MAP2K5: variants seen among roughly 807,000 people sequenced by gnomAD.
MAP2K5 encodes the protein dual specificity mitogen-activated protein kinase kinase 5.
In MAP2K5, 49 loss-of-function variants were observed where a neutral mutation model predicts 83.1. The observed-to-expected ratio is 0.59, with a 90% confidence interval of 0.47 to 0.75. The LOEUF (loss-of-function observed/expected upper bound fraction) is 0.75, where lower values mean the gene tolerates loss of function less well. Among genes scored for constraint, MAP2K5 ranks in the 30% least tolerant of loss-of-function variants. The pLI is 0.00. For synonymous variants in MAP2K5, 202 were observed against 191.8 expected, an observed-to-expected ratio of 1.05 and a Z score of -0.44; for missense variants, 457 against 557.5, an observed-to-expected ratio of 0.82 and a Z score of 1.82.
chr15:67,678,344 T>C (rs1596778148), intron 13 of MAP2K5, among the ~76,000 whole-genome samples: 1 of 152,248 alleles, frequency 6.6e-6, no homozygotes, highest in Non-Finnish European at 1.5e-5. Flanking sequence ...CACAGTGTAA[T>C]TGCTTTATAG....
chr15:67,629,883 G>T (rs1433627203), intron 8 of MAP2K5, among the ~76,000 whole-genome samples: 2 of 152,132 alleles, frequency 1.3e-5, no homozygotes, highest in African/African-American at 4.8e-5. Flanking sequence ...ATGTGTTGCA[G>T]ATTGCTTCTA....
Position 67,543,592 on chromosome 15 carries a change from C to T in MAP2K5, c.135+122C>T. 9.0e-7 allele frequency: 1 copy of T among 1,110,594 alleles called. No individual in the cohort carries two copies. Among genetic ancestry groups the T allele is most frequent in the East Asian group, 2.4e-5 (1 of 41,164 alleles). 68.8% of individuals were successfully genotyped at this position (1,110,594 alleles called of 1,614,324 possible). ...GGCTACTGCTGGCTTCCTGTGGAGG[C>T]AGTTTTATTGCTTCAGGCACAGCAT... is the stretch of plus-strand genomic sequence containing the variant. On this transcript the variant is annotated intron_variant, in intron 1 of 21. Coordinates refer to ENST00000178640, the MANE Select transcript of MAP2K5 (RefSeq NM_145160.3). This position sits in a 1 kb window ranked among gnomAD's most constrained non-coding sequence, Gnocchi z 4.3.
chr15:67,714,757 T>C (rs2088790431), intron 16 of MAP2K5, among the ~76,000 whole-genome samples: 1 of 152,200 alleles, frequency 6.6e-6, no homozygotes, highest in Admixed American at 6.5e-5. Context: ...AATTCGAAAT[T>C]TTTTGAGCAC....
rs2089136115 is a variant in MAP2K5 at position 67,727,900 on chromosome 15, T to C, written c.1045-16T>C. On this transcript the variant is annotated splice_polypyrimidine_tract_variant and intron_variant, in intron 16 of 21. Coordinates refer to ENST00000178640, the MANE Select transcript of MAP2K5 (RefSeq NM_145160.3). ...ATGCAAATCTATAACTAGACAAATA[T>C]TATTTCCTTTCCCAGCTTGCTCTTG... 6.2e-7 allele frequency: 1 copy of C among 1,605,680 alleles called. No individual in the cohort carries two copies. The highest frequency in any genetic ancestry group is 8.5e-7 in the Non-Finnish European group (1 of 1,172,424).
At position 67,745,761 on chromosome 15, in the gene MAP2K5, A is replaced by G. The variant is rs192973710; in HGVS notation, c.1075-2470A>G. 5.9e-5 allele frequency among the ~76,000 whole-genome samples: 9 copies of G among 152,352 alleles called. No homozygotes were observed. In the East Asian group the frequency reaches 1.5e-3, roughly 26 times the overall value. ...AAAGAAAAGCACAGTAGCTTTATTTAATTGAGAAAATGAATCAATTACAAT... is the reference window on the plus strand; with the variant it reads ...AAAGAAAAGCACAGTAGCTTTATTTGATTGAGAAAATGAATCAATTACAAT... On this transcript the variant is annotated intron_variant, in intron 17 of 21. Transcript: ENST00000178640.
At chr15:67,767,926 A>G (rs538789540) in intron 19 of MAP2K5, among the ~76,000 whole-genome samples, 1 of 152,296 alleles carries the variant, frequency 6.6e-6, no homozygotes, top group South Asian at 2.1e-4. Flanking sequence ...TCTACTGATG[A>G]GAATTTTAAT....
rs780670157 is a variant in MAP2K5, at chr15:67,550,027, TG to T, written c.136-6del. ...TAATTGTGTTTCTTTATTCTTTCTT[TG>T]TTTAGGATGTGATAGGCCAGGTTCT... On this transcript the variant is annotated splice_polypyrimidine_tract_variant and splice_region_variant and intron_variant, in intron 1 of 21. Coordinates refer to ENST00000178640, the MANE Select transcript of MAP2K5 (RefSeq NM_145160.3). 1.9e-6 allele frequency: 3 copies of T among 1,611,038 alleles called. No individual in the cohort carries two copies. The highest frequency in any genetic ancestry group is 2.5e-6 in the Non-Finnish European group (3 of 1,177,370).
At chr15:67,695,429 A>G (rs534663671) in intron 15 of MAP2K5, among the ~76,000 whole-genome samples, 1 of 152,300 alleles carries the variant, frequency 6.6e-6, no homozygotes, top group South Asian at 2.1e-4. Context: ...ACTTTCTTGT[A>G]TAATAATAGG....
At chr15:67,732,446 A>G (rs1313939829) in intron 17 of MAP2K5, among the ~76,000 whole-genome samples, 25 of 152,222 alleles carry the variant, frequency 1.6e-4, no homozygotes, top group Admixed American at 1.6e-3. Flanking sequence ...TGAAGATAAT[A>G]CAGACACAAA....
intron 16 of MAP2K5, among the ~76,000 whole-genome samples, chr15:67,723,740 T>C (rs1020003506): frequency 6.6e-6 from 1 of 151,996 alleles, no homozygotes; most frequent in Admixed American, 6.5e-5. Context: ...TCTACATTTT[T>C]CAGTACACTT....
intron 9 of MAP2K5, among the ~76,000 whole-genome samples, chr15:67,633,107 C>T (rs1640086705): frequency 6.6e-6 from 1 of 152,206 alleles, no homozygotes; most frequent in African/African-American, 2.4e-5. Context: ...TTGGTGCTCA[C>T]CGAGCGCGGC....
At position 67,668,727 on chromosome 15, in the gene MAP2K5, A is replaced by C. The variant is rs976208659; in HGVS notation, c.847+4082A>C. 6.6e-6 allele frequency among the ~76,000 whole-genome samples: 1 copy of C among 152,176 alleles called. No individual in the cohort carries two copies. Among genetic ancestry groups the C allele is most frequent in the African/African-American group, 2.4e-5 (1 of 41,456 alleles). On this transcript the variant is annotated intron_variant, in intron 13 of 21. Coordinates refer to ENST00000178640, the MANE Select transcript of MAP2K5 (RefSeq NM_145160.3). The surrounding 1 kb of genome is among the most constrained non-coding windows in gnomAD (Gnocchi z 4.0). Reference sequence around the variant, plus strand: ...CTCTTTCCCTGAGGATAAAAAATAGAAATGCAAGGGTAATGAGAATAGAAT... The same window carrying C: ...CTCTTTCCCTGAGGATAAAAAATAGCAATGCAAGGGTAATGAGAATAGAAT...
Position 67,690,828 on chromosome 15 carries a change from C to T in MAP2K5, c.848-1651C>T, listed in dbSNP as rs1382755280. Among the ~76,000 whole-genome samples the T allele has an allele frequency of 6.6e-6, 1 of 152,104 alleles. No homozygotes were observed. Among genetic ancestry groups the T allele is most frequent in the Non-Finnish European group, 1.5e-5 (1 of 68,012 alleles). On this transcript the variant is annotated intron_variant, in intron 13 of 21. Transcript: ENST00000178640. The surrounding 1 kb of genome is among the most constrained non-coding windows in gnomAD (Gnocchi z 4.3). ...GGATTACATGCGTGAGCCACTGCTC[C>T]CGGCCATGTATTAGTAAATTTAATG... is the stretch of plus-strand genomic sequence containing the variant.
At chr15:67,706,111 TTAAG>T (rs1345629055) in intron 16 of MAP2K5, among the ~76,000 whole-genome samples, 6 of 152,158 alleles carry the variant, frequency 3.9e-5, no homozygotes, top group African/African-American at 1.4e-4. Context: ...GGAGATCCGT[TTAAG>T]TAGGTAGGAG....
chr15:67,800,469 C>T (rs1338246509), intron 21 of MAP2K5, among the ~76,000 whole-genome samples: 2 of 152,176 alleles, frequency 1.3e-5, no homozygotes, highest in South Asian at 2.1e-4. Context: ...ATTGTCTCAG[C>T]ACAGTGTCAA....
intron 17 of MAP2K5, among the ~76,000 whole-genome samples, chr15:67,745,422 A>G (rs1293295775): frequency 1.3e-5 from 2 of 152,222 alleles, no homozygotes; most frequent in Non-Finnish European, 2.9e-5. Flanking sequence ...TAGGGGCTTC[A>G]CTTTTTCATG....
intron 13 of MAP2K5, among the ~76,000 whole-genome samples, chr15:67,679,298 G>T (rs896161466): frequency 7.2e-5 from 11 of 152,128 alleles, no homozygotes; most frequent in African/African-American, 2.7e-4. Flanking sequence ...AATGTGTAAA[G>T]ATACAGTTTC....
intron 21 of MAP2K5, among the ~76,000 whole-genome samples, chr15:67,804,296 T>C (rs1214357708): frequency 6.6e-6 from 1 of 152,216 alleles, no homozygotes; most frequent in Non-Finnish European, 1.5e-5. Flanking sequence ...TCCATGTCTG[T>C]CCCCTGTGAT....
Position 67,781,778 on chromosome 15 carries a change from C to G in MAP2K5, c.1242+9026C>G, listed in dbSNP as rs1436821082. On this transcript the variant is annotated intron_variant, in intron 21 of 21. Coordinates refer to ENST00000178640, the MANE Select transcript of MAP2K5 (RefSeq NM_145160.3). This position sits in a 1 kb window ranked among gnomAD's most constrained non-coding sequence, Gnocchi z 4.0. ...AATTGTTAGCCTGTGTGTGTCTTAGCTTCCTCAGAAGGCTTCTGAATGGCC... is the reference window on the plus strand; with the variant it reads ...AATTGTTAGCCTGTGTGTGTCTTAGGTTCCTCAGAAGGCTTCTGAATGGCC... 6.6e-6 allele frequency among the ~76,000 whole-genome samples: 1 copy of G among 152,140 alleles called. No individual in the cohort carries two copies. Among genetic ancestry groups the G allele is most frequent in the Non-Finnish European group, 1.5e-5 (1 of 68,026 alleles).
Sources: gnomAD v4.1 joint callset for allele counts (sites outside exome capture counted in the v4.1 genomes callset) on GRCh38, gnomAD v4.1.1 for gene constraint, Gnocchi (gnomAD v3.1) non-coding constraint, MANE v1.5 for transcripts, NCBI Gene and HGNC (gene_info 2026-07-23, HGNC 2026-07-21) for gene names.